VPS13B: variants seen among roughly 807,000 people sequenced by gnomAD.
VPS13B encodes intermembrane lipid transfer protein VPS13B.
Under a neutral mutation model 426.4 loss-of-function variants are expected in VPS13B, and 285 were observed. That is an observed-to-expected ratio of 0.67 (90% confidence interval 0.61 to 0.74). The LOEUF (loss-of-function observed/expected upper bound fraction) is 0.74, where lower values mean the gene tolerates loss of function less well. Ranked by LOEUF, VPS13B falls within the 30% of genes least tolerant of loss-of-function variation. The probability of loss-of-function intolerance (pLI) is 0.00; values close to 1 mark genes in which losing one functional copy is unlikely to be tolerated. For missense variants in VPS13B, 4,537 were observed against 4,782.6 expected (o/e 0.95, Z 1.51); for synonymous variants, 1,676 against 1,676.4 (o/e 1.00, Z 0.01).
At chr8:99,067,678 C>G (rs183225512) in intron 3 of VPS13B, among the ~76,000 whole-genome samples, 1 of 152,262 alleles carries the variant, frequency 6.6e-6, no homozygotes, top group Admixed American at 6.5e-5. Flanking sequence ...GCCTTGGACA[C>G]AACAGCAACA....
intron 39 of VPS13B, among the ~76,000 whole-genome samples, chr8:99,759,122 AC>A (rs1390022407): frequency 4.6e-5 from 7 of 151,780 alleles, no homozygotes; most frequent in African/African-American, 1.7e-4. Flanking sequence ...ATGGCTGCCA[AC>A]CTTTTTCTTC....
At chr8:99,268,485 G>A (rs553156855) in intron 17 of VPS13B, among the ~76,000 whole-genome samples, 1 of 152,330 alleles carries the variant, frequency 6.6e-6, no homozygotes, top group East Asian at 1.9e-4. Flanking sequence ...GTGTGATCTG[G>A]ATATGAGACA....
At chr8:99,580,314 A>C (rs1413794050) in intron 33 of VPS13B, among the ~76,000 whole-genome samples, 2 of 142,806 alleles carry the variant, frequency 1.4e-5, no homozygotes, top group Non-Finnish European at 3.0e-5. Flanking sequence ...TAATTAATAT[A>C]TATAACATTA....
chr8:99,156,395 T>G (rs1811365396), intron 14 of VPS13B, among the ~76,000 whole-genome samples, 154 bp from the exon 15 acceptor site: 1 of 152,224 alleles, frequency 6.6e-6, no homozygotes. Flanking sequence ...ACATTTGTTA[T>G]TTGGTTATGG....
rs1588760732 is a variant in VPS13B, at chr8:99,832,081, G to A, written c.9331-288G>A. Among the ~76,000 whole-genome samples, 3 of 152,132 alleles carry A rather than the reference G, an allele frequency of 2.0e-5. No individual in the cohort carries two copies. In the East Asian group the frequency reaches 5.8e-4, roughly 29 times the overall value. On this transcript the variant is annotated intron_variant, in intron 51 of 61. Transcript: ENST00000357162. ...TTTGAGACCAGCCTTGGCCAACATA[G>A]CGAAACCCCATCTCTACTAAAAATA...
intron 33 of VPS13B, among the ~76,000 whole-genome samples, chr8:99,604,323 T>C (rs957263582): frequency 5.3e-5 from 8 of 152,136 alleles, no homozygotes; most frequent in Non-Finnish European, 1.0e-4. Flanking sequence ...CCAACAGTGA[T>C]ACATTATTAT....
intron 19 of VPS13B, among the ~76,000 whole-genome samples, chr8:99,289,649 A>C (rs2133041709): frequency 6.6e-6 from 1 of 152,268 alleles, no homozygotes; most frequent in Admixed American, 6.5e-5. Flanking sequence ...AGCTTAGTGA[A>C]TAATCTTTTC....
At chr8:99,114,339 G>T (rs913737630) in intron 6 of VPS13B, among the ~76,000 whole-genome samples, 1 of 152,170 alleles carries the variant, frequency 6.6e-6, no homozygotes, top group South Asian at 2.1e-4. Context: ...GTTTATTAGT[G>T]AAGTTAGATT....
rs1817103807 is a variant in VPS13B at position 99,431,398 on chromosome 8, T to C, written c.3083-139T>C. The C allele has an allele frequency of 1.8e-6, 2 of 1,135,794 alleles. 1 individual carries two copies. The highest frequency in any genetic ancestry group is 3.0e-5 in the South Asian group (2 of 66,808). 70.4% of individuals were successfully genotyped at this position (1,135,794 alleles called of 1,614,324 possible). On this transcript the variant is annotated intron_variant, in intron 21 of 61. Transcript: ENST00000357162. ...AAATCAGTTCTATAAGAGAAAATGA[T>C]GTAAAATGACAATTCATAATCTCAT...
intron 23 of VPS13B, among the ~76,000 whole-genome samples, chr8:99,463,273 GTAT>G (rs1421009107): frequency 1.3e-5 from 2 of 152,176 alleles, no homozygotes; most frequent in African/African-American, 2.4e-5. Context: ...GAATCTTAGA[GTAT>G]TATATTTCTT....
rs71273170 is a variant in VPS13B, at chr8:99,270,131, CTTTTTTTTTTT to C, written c.2516-4051_2516-4041del. ...ATATAGGTATATAAGATATAAGAATCTTTTTTTTTTTTTTTTTTTTTTTTTTGAGACAGAGT... is the reference window on the plus strand; with the variant it reads ...ATATAGGTATATAAGATATAAGAATCTTTTTTTTTTTTTTTGAGACAGAGT... On this transcript the variant is annotated intron_variant, in intron 17 of 61. Coordinates refer to ENST00000357162, the MANE Select transcript of VPS13B (RefSeq NM_152564.5). Among the ~76,000 whole-genome samples the C allele has an allele frequency of 1.7e-3, 51 of 30,318 alleles. 1 individual carries two copies. The highest frequency in any genetic ancestry group is 4.7e-3 in the African/African-American group (43 of 9,066). The allele number at this position is 30,318 out of a possible 152,430, so 19.9% of individuals were successfully genotyped here.
At chr8:99,621,416 T>C (rs1563829171) in intron 33 of VPS13B, among the ~76,000 whole-genome samples, 1 of 152,228 alleles carries the variant, frequency 6.6e-6, no homozygotes, top group Non-Finnish European at 1.5e-5. Context: ...TCCCCTGCTA[T>C]ATATAATCTT....
In VPS13B at chr8:99,875,511, T is replaced by C; in HGVS notation, c.11839T>C (p.Ser3947Pro). The C allele has an allele frequency of 6.2e-7, 1 of 1,614,074 alleles. No individual in the cohort carries two copies. The highest frequency in any genetic ancestry group is 8.5e-7 in the Non-Finnish European group (1 of 1,180,012). ...KTSCHLAPSC[S>P]SMQIPCPVVA... ...ATCTTGTCACCTGGCCCCCAGCTGT[T>C]CTTCCATGCAAATACCATGCCCTGT... is the stretch of plus-strand genomic sequence containing the variant. Residue 3947 changes from serine to proline, a missense_variant, in exon 62 of 62, where the codon TCT becomes CCT. Ser to Pro is a moderately conservative substitution (Grantham distance 74, BLOSUM62 -1). This residue lies in a region of VPS13B where 4,311 missense variants were observed against 4,474.3 expected (regional missense o/e 0.96). Transcript: ENST00000357162.
intron 2 of VPS13B, among the ~76,000 whole-genome samples, chr8:99,031,025 A>C (rs1321087109): frequency 6.6e-6 from 1 of 152,172 alleles, no homozygotes; most frequent in African/African-American, 2.4e-5. Flanking sequence ...TGTTTATATC[A>C]GTTAGCCTAG....
chr8:99,477,544 T>A (rs1329865802), intron 24 of VPS13B, among the ~76,000 whole-genome samples: 1 of 152,222 alleles, frequency 6.6e-6, no homozygotes, highest in Admixed American at 6.5e-5. Flanking sequence ...TGTACGTTTC[T>A]TGATTACATT....
At chr8:99,065,735 A>G (rs1844456867) in intron 3 of VPS13B, among the ~76,000 whole-genome samples, 2 of 152,228 alleles carry the variant, frequency 1.3e-5, no homozygotes, top group Non-Finnish European at 2.9e-5. Context: ...TGCAGATGAC[A>G]TGATTGTATA....
chr8:99,143,812 G>C (rs1810558937), intron 13 of VPS13B, among the ~76,000 whole-genome samples: 1 of 152,114 alleles, frequency 6.6e-6, no homozygotes, highest in Non-Finnish European at 1.5e-5. Flanking sequence ...AATACGTTTA[G>C]TTACTGTGAC....
intron 6 of VPS13B, among the ~76,000 whole-genome samples, chr8:99,112,767 C>A (rs1263345431): frequency 3.3e-5 from 5 of 151,956 alleles, no homozygotes; most frequent in African/African-American, 1.2e-4. Flanking sequence ...ATCATTAGTG[C>A]AAATGTAATG....
intron 17 of VPS13B, among the ~76,000 whole-genome samples, chr8:99,202,768 G>A (rs1814412081): frequency 6.6e-6 from 1 of 152,062 alleles, no homozygotes. Flanking sequence ...GGTGGCTCAT[G>A]CCTGTAATCC....
Sources: gnomAD v4.1 joint callset for allele counts (sites outside exome capture counted in the v4.1 genomes callset) on GRCh38, gnomAD v4.1.1 for gene constraint, gnomAD v4.1.1 regional missense constraint, MANE v1.5 for transcripts, NCBI Gene and HGNC (gene_info 2026-07-23, HGNC 2026-07-21) for gene names.